PHLPP1: variants seen among roughly 807,000 people sequenced by gnomAD.
PHLPP1 encodes the protein PH domain leucine-rich repeat-containing protein phosphatase 1.
In PHLPP1, 42 loss-of-function variants were observed where a neutral mutation model predicts 117.2. The ratio of observed to expected loss-of-function variants is 0.36; its 90% CI spans 0.28 to 0.46. The LOEUF (loss-of-function observed/expected upper bound fraction) is 0.46. PHLPP1 is among the 20% of genes least tolerant of loss of function. The probability of loss-of-function intolerance (pLI) is 1.00; values close to 1 mark genes in which losing one functional copy is unlikely to be tolerated. For synonymous variants in PHLPP1, 1,042 were observed against 970.7 expected (o/e 1.07, Z -1.37); for missense variants, 2,084 against 2,241.9 (o/e 0.93, Z 1.42).
chr18:62,866,028 TAA>T (rs1915761975), intron 4 of PHLPP1, among the ~76,000 whole-genome samples: 1 of 152,128 alleles, frequency 6.6e-6, no homozygotes, highest in African/African-American at 2.4e-5. Flanking sequence ...GCTTTGAACT[TAA>T]AATAAAAGTT....
intron 1 of PHLPP1, among the ~76,000 whole-genome samples, chr18:62,744,548 CTG>C (rs1465715598): frequency 2.0e-5 from 3 of 152,220 alleles, no homozygotes; most frequent in African/African-American, 7.2e-5. Flanking sequence ...CTCCCTTGGA[CTG>C]TGGATATTGG....
intron 4 of PHLPP1, among the ~76,000 whole-genome samples, chr18:62,864,520 A>G (rs1197843962): frequency 2.0e-5 from 3 of 152,250 alleles, no homozygotes; most frequent in Admixed American, 6.5e-5. Context: ...GAGTTCCAAC[A>G]AGAGGTGCTA....
chr18:62,828,987 A>T (rs533447309), intron 1 of PHLPP1, among the ~76,000 whole-genome samples: 4 of 152,204 alleles, frequency 2.6e-5, no homozygotes, highest in African/African-American at 9.7e-5. Flanking sequence ...TGTCAATCAC[A>T]GTAGTTCTCC....
chr18:62,913,739 C>CTTTTTTT (rs398033174), intron 8 of PHLPP1, among the ~76,000 whole-genome samples: 7 of 100,738 alleles, frequency 6.9e-5, no homozygotes, highest in East Asian at 5.6e-4. Flanking sequence ...CTCTCTCTCT[C>CTTTTTTT]TTTTTTTTTT....
In PHLPP1 at chr18:62,979,748, A is replaced by T. The variant is rs1236329798; in HGVS notation, c.*317A>T. 2.7e-5 allele frequency: 7 copies of T among 255,604 alleles called. No homozygotes were observed. The Admixed American group carries it at 3.1e-4, about 11-fold the overall frequency. The allele number at this position is 255,604 out of a possible 1,614,324, so 15.8% of individuals were successfully genotyped here. A position where few individuals can be genotyped will look rare whatever the true frequency, so the allele number is the denominator to read the frequency against. ...AGTTAATGATAATGTAATATTTTTTAAAATGGCTTTTTGTTGTTTGTTTGG... is the reference window on the plus strand; with the variant it reads ...AGTTAATGATAATGTAATATTTTTTTAAATGGCTTTTTGTTGTTTGTTTGG... On this transcript the variant is annotated 3_prime_UTR_variant, in exon 17 of 17. Transcript: ENST00000262719.
At position 62,917,645 on chromosome 18, in the gene PHLPP1, A is replaced by C. The variant is rs144658046; in HGVS notation, c.2805-2314A>C. Reference sequence around the variant, plus strand: ...AGCCTGGGCAACACTGCAAGAACCTATCTCTGCAAAAAATAAAATTAGCTA... The same window carrying C: ...AGCCTGGGCAACACTGCAAGAACCTCTCTCTGCAAAAAATAAAATTAGCTA... On this transcript the variant is annotated intron_variant, in intron 9 of 16. Transcript: ENST00000262719. Among the ~76,000 whole-genome samples the C allele has an allele frequency of 4.4e-3, 661 of 151,396 alleles. 3 individuals carry two copies. The highest frequency in any genetic ancestry group is 7.4e-3 in the Admixed American group (113 of 15,190).
At chr18:62,781,080 A>T (rs1331112279) in intron 1 of PHLPP1, among the ~76,000 whole-genome samples, 1 of 152,224 alleles carries the variant, frequency 6.6e-6, no homozygotes, top group African/African-American at 2.4e-5. Context: ...GGTTAGCTTT[A>T]CCACTTATTT....
intron 1 of PHLPP1, among the ~76,000 whole-genome samples, chr18:62,730,114 C>T (rs1911186945): frequency 6.6e-6 from 1 of 152,152 alleles, no homozygotes; most frequent in Non-Finnish European, 1.5e-5. Context: ...TTGTAAGTGT[C>T]CCCCTTGATT....
chr18:62,764,302 T>A (rs976505221), intron 1 of PHLPP1, among the ~76,000 whole-genome samples: 1 of 152,326 alleles, frequency 6.6e-6, no homozygotes, highest in Middle Eastern at 3.4e-3. Context: ...TTCTCACCTT[T>A]CATTTGTCCT....
chr18:62,860,303 G>A (rs1287929587), intron 3 of PHLPP1, 132 bp from the exon 4 acceptor site: 1 of 720,196 alleles, frequency 1.4e-6, no homozygotes, highest in Non-Finnish European at 2.3e-6. Flanking sequence ...ATACTCTGTT[G>A]GTTTATATTT....
chr18:62,938,651 T>A (rs1910041027), intron 10 of PHLPP1, among the ~76,000 whole-genome samples: 1 of 152,196 alleles, frequency 6.6e-6, no homozygotes, highest in South Asian at 2.1e-4. Flanking sequence ...AACTAACTAG[T>A]TTCATTTCTT....
chr18:62,764,213 C>G (rs377111546), intron 1 of PHLPP1, among the ~76,000 whole-genome samples: 52 of 140,624 alleles, frequency 3.7e-4, no homozygotes, highest in African/African-American at 1.0e-3. Flanking sequence ...ACAAAACAAA[C>G]AAACAAACAA....
intron 6 of PHLPP1, among the ~76,000 whole-genome samples, chr18:62,900,527 G>A (rs568350220): frequency 2.0e-4 from 27 of 137,430 alleles, no homozygotes; most frequent in African/African-American, 6.2e-4. Flanking sequence ...AAGCTGTGGT[G>A]CAATCACAGT....
intron 1 of PHLPP1, among the ~76,000 whole-genome samples, chr18:62,821,072 AAC>A (rs1914438511): frequency 1.3e-5 from 2 of 152,218 alleles, no homozygotes; most frequent in Non-Finnish European, 2.9e-5. Flanking sequence ...GAAAAGTTAA[AAC>A]ACAATATACC....
intron 1 of PHLPP1, among the ~76,000 whole-genome samples, chr18:62,754,248 C>T (rs1270670944): frequency 6.6e-6 from 1 of 152,226 alleles, no homozygotes; most frequent in Non-Finnish European, 1.5e-5. Context: ...CCTGTCTTGT[C>T]AGTCTGGCAC....
At chr18:62,746,104 C>T (rs979865103) in intron 1 of PHLPP1, among the ~76,000 whole-genome samples, 4 of 151,886 alleles carry the variant, frequency 2.6e-5, no homozygotes, top group South Asian at 2.1e-4. Context: ...AGTGCAATGG[C>T]GTGATCTTGG....
At chr18:62,933,894 C>G (rs1239909566) in intron 10 of PHLPP1, among the ~76,000 whole-genome samples, 3 of 151,860 alleles carry the variant, frequency 2.0e-5, no homozygotes, top group African/African-American at 7.2e-5. Flanking sequence ...AAGAAAGAAA[C>G]AACCCCATTA....
At chr18:62,727,928 A>AGGG (rs1911123324) in intron 1 of PHLPP1, among the ~76,000 whole-genome samples, 1 of 152,004 alleles carries the variant, frequency 6.6e-6, no homozygotes, top group Admixed American at 6.6e-5. Flanking sequence ...TTGGATGGGA[A>AGGG]GGGGAGGGGG....
At chr18:62,809,586 C>G (rs1171798814) in intron 1 of PHLPP1, among the ~76,000 whole-genome samples, 1 of 152,000 alleles carries the variant, frequency 6.6e-6, no homozygotes. Context: ...CCTGTAGTCC[C>G]AGCAACTCCG....
Sources: allele counts gnomAD v4.1 joint callset (sites outside exome capture counted in the v4.1 genomes callset), GRCh38; gene constraint gnomAD v4.1.1; transcripts MANE v1.5; gene names NCBI Gene and HGNC (gene_info 2026-07-23, HGNC 2026-07-21).